FLNB: variants seen among roughly 807,000 people sequenced by gnomAD.
FLNB encodes filamin B.
Under a neutral mutation model 250.6 loss-of-function variants are expected in FLNB, and 111 were observed. The ratio of observed to expected loss-of-function variants is 0.44; its 90% CI spans 0.38 to 0.52. FLNB has a LOEUF of 0.52. Among genes scored for constraint, FLNB ranks in the 20% least tolerant of loss-of-function variants. The pLI is 0.00. For synonymous variants in FLNB, 1,302 were observed against 1,372.1 expected, an observed-to-expected ratio of 0.95 and a Z score of 1.13; for missense variants, 2,869 against 3,447.8, an observed-to-expected ratio of 0.83 and a Z score of 4.20.
intron 38 of FLNB, chr3:58,152,836 G>C: frequency 5.2e-6 from 5 of 955,086 alleles, no homozygotes; most frequent in Non-Finnish European, 7.3e-6. Flanking sequence ...GGCAGTGCAG[G>C]CACAGTCGTT....
rs2097093624 is a variant in FLNB, at chr3:58,008,511, C to T, written c.-54C>T. ...TCTCGCTCCTTCGGCCCTTGGGCCT[C>T]CAAACACCAGTCCCCGGCAGCTCGT... On this transcript the variant is annotated 5_prime_UTR_variant, in exon 1 of 46. Transcript: ENST00000295956. The T allele has an allele frequency of 6.5e-7, 1 of 1,549,878 alleles. No homozygotes were observed. The highest frequency in any genetic ancestry group is 1.2e-5 in the South Asian group (1 of 84,500).
At chr3:58,062,456 C>G (rs1020836096) in intron 1 of FLNB, among the ~76,000 whole-genome samples, 3 of 152,184 alleles carry the variant, frequency 2.0e-5, no homozygotes, top group Non-Finnish European at 2.9e-5. Context: ...TCCCTCCCCC[C>G]ACCAGTTGTC....
intron 38 of FLNB, among the ~76,000 whole-genome samples, chr3:58,152,209 A>G (rs1385143451): frequency 6.6e-6 from 1 of 152,068 alleles, no homozygotes; most frequent in Non-Finnish European, 1.5e-5. Flanking sequence ...TCATTACCCA[A>G]ATGATCCTCT....
intron 1 of FLNB, among the ~76,000 whole-genome samples, chr3:58,015,334 G>A (rs888860199): frequency 6.6e-6 from 1 of 152,188 alleles, no homozygotes; most frequent in African/African-American, 2.4e-5. Context: ...CCAGGACTTT[G>A]TCTTGTCTTC....
At chr3:58,170,464 A>C in intron 45 of FLNB, 111 bp from the exon 46 acceptor site, 12 of 1,032,592 alleles carry the variant, frequency 1.2e-5, no homozygotes, top group Non-Finnish European at 1.6e-5. Flanking sequence ...CCCACCTCTT[A>C]GGGGCCCCAG....
At chr3:58,155,541 G>T (rs184946804) in intron 40 of FLNB, among the ~76,000 whole-genome samples, 1 of 151,678 alleles carries the variant, frequency 6.6e-6, no homozygotes, top group Non-Finnish European at 1.5e-5. Flanking sequence ...AAAATGATAC[G>T]TCAAAATAAC....
At chr3:58,057,000 G>C (rs972425556) in intron 1 of FLNB, among the ~76,000 whole-genome samples, 5 of 151,868 alleles carry the variant, frequency 3.3e-5, no homozygotes, top group African/African-American at 9.7e-5. Context: ...TTTTCTTTGA[G>C]GTGAGGTCTC....
rs746887183 is a variant in FLNB at position 58,153,496 on chromosome 3, C to T, written c.6489C>T (p.Gly2163=). 12 of 1,614,224 alleles carry T rather than the reference C, an allele frequency of 7.4e-6. No individual in the cohort carries two copies. The highest frequency in any genetic ancestry group is 5.0e-5 in the Admixed American group (3 of 60,030). ...HCVRFVPQEM[G]VHTVSVKYRG... ...TCCGGTTTGTGCCCCAGGAGATGGGCGTGCACACGGTCAGCGTCAAGTACC... is the reference window on the plus strand; with the variant it reads ...TCCGGTTTGTGCCCCAGGAGATGGGTGTGCACACGGTCAGCGTCAAGTACC... Residue 2163 remains glycine, a synonymous_variant, in exon 39 of 46, where the codon GGC becomes GGT. Coordinates refer to ENST00000295956, the MANE Select transcript of FLNB (RefSeq NM_001457.4).
At chr3:58,100,369 A>ATATATATATATATAT (rs1559692340) in intron 8 of FLNB, among the ~76,000 whole-genome samples, 10 of 26,606 alleles carry the variant, frequency 3.8e-4, no homozygotes, top group African/African-American at 3.0e-3. Flanking sequence ...ATATGTAAAA[A>ATATATATATATATAT]AAAAATATAT....
At chr3:58,092,266 C>T (rs2097229224) in intron 4 of FLNB, among the ~76,000 whole-genome samples, 1 of 152,122 alleles carries the variant, frequency 6.6e-6, no homozygotes, top group African/African-American at 2.4e-5. Context: ...TGGAGAGAAA[C>T]TGAATCTGGA....
At chr3:58,084,465 G>A (rs1023672877) in intron 4 of FLNB, among the ~76,000 whole-genome samples, 3 of 152,094 alleles carry the variant, frequency 2.0e-5, no homozygotes, top group Non-Finnish European at 4.4e-5. Context: ...ATGATCACTT[G>A]TTATGGTTCA....
intron 1 of FLNB, among the ~76,000 whole-genome samples, chr3:58,012,596 A>G (rs1393887526): frequency 6.6e-6 from 1 of 152,214 alleles, no homozygotes; most frequent in Non-Finnish European, 1.5e-5. Flanking sequence ...GACCTTGGAC[A>G]AAATAGGGAT....
rs374205654 is a variant in FLNB at position 58,170,654 on chromosome 3, G to A, written c.7701G>A (p.Gln2567=). 2.6e-5 allele frequency: 42 copies of A among 1,614,006 alleles called. No individual in the cohort carries two copies. The highest frequency in any genetic ancestry group is 3.5e-5 in the Non-Finnish European group (41 of 1,180,034). The part of the protein sequence containing the change: ...EEVSMKHVGN[Q]QYNVTYVVKE... ...TCTCCATGAAGCATGTAGGCAACCAGCAATACAACGTCACATACGTCGTCA... is the reference window on the plus strand; with the variant it reads ...TCTCCATGAAGCATGTAGGCAACCAACAATACAACGTCACATACGTCGTCA... The change falls in exon 46 of 46, where the codon CAG becomes CAA. Residue 2567 remains glutamine, a synonymous_variant. Coordinates refer to ENST00000295956, the MANE Select transcript of FLNB (RefSeq NM_001457.4).
At chr3:58,099,407 G>T (rs554172661) in intron 8 of FLNB, among the ~76,000 whole-genome samples, 1 of 152,248 alleles carries the variant, frequency 6.6e-6, no homozygotes, top group East Asian at 1.9e-4. Context: ...GTACTACAAG[G>T]CATCAGCAGG....
At chr3:58,131,913 C>T (rs2107208580) in intron 25 of FLNB, 1 of 1,524,682 alleles carries the variant, frequency 6.6e-7, no homozygotes, top group South Asian at 1.2e-5. Context: ...CAAGTAACAG[C>T]CTTTTGATTT....
intron 42 of FLNB, among the ~76,000 whole-genome samples, chr3:58,159,987 A>C (rs538134179): frequency 6.6e-6 from 1 of 152,096 alleles, no homozygotes. Flanking sequence ...GCAGTGAGCT[A>C]TGATTGTGCC....
At chr3:58,020,148 C>T (rs566321579) in intron 1 of FLNB, among the ~76,000 whole-genome samples, 3 of 151,164 alleles carry the variant, frequency 2.0e-5, no homozygotes, top group African/African-American at 4.9e-5. Flanking sequence ...TTGGTGACAG[C>T]GGACATAGGC....
chr3:58,148,651 A>G lies in FLNB; in HGVS notation c.5890A>G (p.Ile1964Val). The change falls in exon 36 of 46, where the codon ATC becomes GTC. Residue 1964 changes from isoleucine to valine, a missense_variant and splice_region_variant. Ile to Val is a conservative substitution (Grantham distance 29, BLOSUM62 3). Transcript: ENST00000295956. ...CCCCAATCTGTGTTCTGGTCCAGGC[A>G]TCTCCTTCATCCCCCGGGAAGTGGG... ...LKRLPNNHIG[I>V]SFIPREVGEH... 1 of 1,613,826 alleles carries G rather than the reference A, an allele frequency of 6.2e-7. No homozygotes were observed. The highest frequency in any genetic ancestry group is 8.5e-7 in the Non-Finnish European group (1 of 1,179,776).
intron 42 of FLNB, chr3:58,162,636 A>G (rs1054635235): frequency 3.1e-5 from 5 of 162,436 alleles, no homozygotes; most frequent in Admixed American, 1.2e-4. Context: ...GCCATCTCCC[A>G]ATGTTTAAAA....
Sources: gnomAD v4.1 joint callset for allele counts (sites outside exome capture counted in the v4.1 genomes callset) on GRCh38, gnomAD v4.1.1 for gene constraint, MANE v1.5 for transcripts, NCBI Gene and HGNC (gene_info 2026-07-23, HGNC 2026-07-21) for gene names.